Variants in TRPA1 observed in about 807,000 individuals in gnomAD.
TRPA1 encodes the protein ankyrin-like with transmembrane domains 1.
A neutral mutation model predicts 131.3 loss-of-function variants in TRPA1; 129 were observed. The observed-to-expected ratio is 0.98, with a 90% CI of 0.85 to 1.14. The LOEUF is 1.14. TRPA1 is among the 50% of genes most tolerant of loss of function. The pLI, the probability that TRPA1 is intolerant of heterozygous loss-of-function variation, is 0.00. For missense variants in TRPA1, 1,304 were observed against 1,354.2 expected (o/e 0.96, Z 0.58); for synonymous variants, 441 against 451.7 (o/e 0.98, Z 0.30).
chr8:72,074,336 A>G (rs1806129261), intron 1 of TRPA1, among the ~76,000 whole-genome samples: 1 of 152,246 alleles, frequency 6.6e-6, no homozygotes. Context: ...AAATGTATTC[A>G]AAAATACATT....
chr8:72,030,700 T>C (rs549267430), intron 23 of TRPA1, among the ~76,000 whole-genome samples: 1 of 152,288 alleles, frequency 6.6e-6, no homozygotes, highest in South Asian at 2.1e-4. Context: ...GTTTAGTAAC[T>C]AAGGTAGACA....
intron 26 of TRPA1, chr8:72,023,360 T>C (rs1811464898): frequency 3.5e-6 from 2 of 565,230 alleles, no homozygotes; most frequent in African/African-American, 3.8e-5. Flanking sequence ...AAGAAACTAT[T>C]ATAGAGAAAG....
chr8:72,044,261 CT>C (rs1221169854), intron 17 of TRPA1, among the ~76,000 whole-genome samples: 2 of 149,720 alleles, frequency 1.3e-5, no homozygotes, highest in South Asian at 2.1e-4. Flanking sequence ...CTCATCTAAA[CT>C]TCCACGTAGA....
chr8:72,071,383 T>C (rs188943038), intron 2 of TRPA1, among the ~76,000 whole-genome samples: 1 of 152,202 alleles, frequency 6.6e-6, no homozygotes, highest in African/African-American at 2.4e-5. Flanking sequence ...TTTTATTTAA[T>C]GATGATAATT....
rs1157405170 is a variant in TRPA1 at position 72,055,521 on chromosome 8, C to A, written c.1444G>T (p.Gly482Ter). The A allele has an allele frequency of 1.2e-6, 2 of 1,613,070 alleles. No individual in the cohort carries two copies. The highest frequency in any genetic ancestry group is 2.2e-5 in the South Asian group (2 of 91,040). ...TRLLNEGDLHGMTPLHLAAKN... is the reference protein window; with the variant it reads ...TRLLNEGDLH ...GCTGCCAGATGGAGAGGAGTCATTC[C>A]ATGAAGGTCACCTTCATTCAGAAGC... Residue 482 changes from glycine to a stop codon, truncating the protein, a stop_gained, in exon 12 of 27, where the codon GGA becomes TGA. Coordinates refer to ENST00000262209, the MANE Select transcript of TRPA1 (RefSeq NM_007332.3). LOFTEE classifies it high-confidence loss of function.
intron 15 of TRPA1, among the ~76,000 whole-genome samples, chr8:72,049,662 G>A (rs11990722): frequency 0.63 from 95,651 of 151,960 alleles, 30,393 homozygotes; most frequent in Admixed American, 0.74. Context: ...ATGCTAGTGT[G>A]TATTTAACGT....
chr8:72,065,613 C>A (rs545096399), intron 3 of TRPA1, 55 bp from the exon 4 acceptor site: 1 of 1,315,514 alleles, frequency 7.6e-7, no homozygotes, highest in African/African-American at 1.5e-5. Context: ...AAATAAGGTA[C>A]TTGCCTTCCA....
At chr8:72,035,203 G>A (rs548966029) in intron 21 of TRPA1, among the ~76,000 whole-genome samples, 1 of 152,266 alleles carries the variant, frequency 6.6e-6, no homozygotes, top group Admixed American at 6.5e-5. Flanking sequence ...GAACTTACAA[G>A]ATTCTAAAGC....
chr8:72,055,102 G>C, intron 12 of TRPA1: 1 of 314,442 alleles, frequency 3.2e-6, no homozygotes, highest in Non-Finnish European at 6.0e-6. Flanking sequence ...ATCTATATAG[G>C]AATATGGCAG....
the TRPA1 span, among the ~76,000 whole-genome samples, chr8:72,082,938 A>G: frequency 6.6e-6 from 1 of 151,544 alleles, no homozygotes; most frequent in Non-Finnish European, 1.5e-5. Flanking sequence ...TCCATTATGT[A>G]TATGCTGGTA....
intron 24 of TRPA1, among the ~76,000 whole-genome samples, chr8:72,029,033 G>A (rs1350608338): frequency 6.6e-6 from 1 of 152,158 alleles, no homozygotes; most frequent in African/African-American, 2.4e-5. Context: ...ACAATCCAGT[G>A]AAGAGCATAA....
upstream of TRPA1, among the ~76,000 whole-genome samples, chr8:72,076,891 T>A (rs886507470): frequency 1.3e-5 from 2 of 152,154 alleles, no homozygotes; most frequent in Admixed American, 1.3e-4. Flanking sequence ...AGCATCTGTG[T>A]TCAGGGTATG....
rs141345046 is a variant in TRPA1 at position 72,043,892 on chromosome 8, G to A, written c.2061+2621C>T. Among the ~76,000 whole-genome samples, 893 of 151,582 alleles carry A rather than the reference G, an allele frequency of 5.9e-3. 14 individuals are homozygous for A. Among genetic ancestry groups the A allele is most frequent in the African/African-American group, 0.02 (823 of 41,396 alleles). On this transcript the variant is annotated intron_variant, in intron 17 of 26. Coordinates refer to ENST00000262209, the MANE Select transcript of TRPA1 (RefSeq NM_007332.3). ...GCTTATTTAAAATTTTGATTATTAGGTCTACCCTCAAGCATTCTGGGTTAG... is the reference window on the plus strand; with the variant it reads ...GCTTATTTAAAATTTTGATTATTAGATCTACCCTCAAGCATTCTGGGTTAG...
intron 12 of TRPA1, 31 bp downstream of exon 12, chr8:72,055,405 T>C (rs535382273): frequency 3.1e-6 from 5 of 1,599,024 alleles, no homozygotes; most frequent in Middle Eastern, 1.7e-4. Flanking sequence ...ATTAAAGAAA[T>C]TATATAAACA....
chr8:72,056,785 GT>G (rs1805677109), intron 10 of TRPA1, 131 bp downstream of exon 10: 1 of 709,132 alleles, frequency 1.4e-6, no homozygotes, highest in African/African-American at 1.8e-5. Flanking sequence ...AGTCAAATAT[GT>G]CATCTTTATT....
Position 72,057,803 on chromosome 8 carries a change from T to A in TRPA1, c.1007A>T (p.Asn336Ile). Residue 336 changes from asparagine (N) to isoleucine (I), a missense_variant, in exon 9 of 27, where the codon AAT becomes ATT. Transcript: ENST00000262209. ...DYLISVGADI[N>I]KIDSEGRSPL... The stretch of plus-strand genomic sequence containing the variant: ...AGAGCGTCCTTCAGAATCGATCTTA[T>A]TAATATCTGCTCCCTAAAAATCAAA... 1 of 1,613,144 alleles carries A rather than the reference T, an allele frequency of 6.2e-7. No homozygotes were observed. Among genetic ancestry groups the A allele is most frequent in the Non-Finnish European group, 8.5e-7 (1 of 1,179,222 alleles).
At chr8:72,054,426 A>C (rs1308804577) in intron 12 of TRPA1, 1 of 153,606 alleles carries the variant, frequency 6.5e-6, no homozygotes, top group East Asian at 1.9e-4. Context: ...TGCTTTGAAA[A>C]ATGTTTATCC....
chr8:72,056,575 T>G (rs990413241), intron 10 of TRPA1, among the ~76,000 whole-genome samples: 1 of 152,140 alleles, frequency 6.6e-6, no homozygotes, highest in Non-Finnish European at 1.5e-5. Context: ...GATAATTCAT[T>G]CTTATATTTG....
At position 72,034,387 on chromosome 8, in the gene TRPA1, TA is replaced by T. The variant is rs746093133; in HGVS notation, c.2556-11del. ...TCCACAATTTTCAAATCTAGAAAAG[TA>T]AAAAAAAAAAAATTTACTCACTTTT... On this transcript the variant is annotated splice_polypyrimidine_tract_variant and intron_variant, in intron 21 of 26. Transcript: ENST00000262209. 0.12 allele frequency: 115,648 copies of T among 993,372 alleles called. 1 individual carries two copies. Among genetic ancestry groups the T allele is most frequent in the South Asian group, 0.16 (8,088 of 50,208 alleles). The allele number at this position is 993,372 out of a possible 1,614,324, so 61.5% of individuals were successfully genotyped here. A position where few individuals can be genotyped will look rare whatever the true frequency, so the allele number is the denominator to read the frequency against.
Sources: gnomAD v4.1 joint callset for allele counts (sites outside exome capture counted in the v4.1 genomes callset) on GRCh38, gnomAD v4.1.1 for gene constraint, MANE v1.5 for transcripts, NCBI Gene and HGNC (gene_info 2026-07-23, HGNC 2026-07-21) for gene names.